SLC12A7: variants seen among roughly 807,000 people sequenced by gnomAD.
SLC12A7 encodes solute carrier family 12 member 7.
In SLC12A7, 100 loss-of-function variants were observed where a neutral mutation model predicts 120.6. The ratio of observed to expected loss-of-function variants is 0.83; its 90% CI spans 0.71 to 0.98. The LOEUF (loss-of-function observed/expected upper bound fraction) is 0.98. SLC12A7 is among the 50% of genes least tolerant of loss of function. The probability of loss-of-function intolerance (pLI) is 0.00; values close to 1 mark genes in which losing one functional copy is unlikely to be tolerated. For synonymous variants in SLC12A7, 760 were observed against 678.0 expected, an observed-to-expected ratio of 1.12 and a Z score of -1.88; for missense variants, 1,373 against 1,548.1, an observed-to-expected ratio of 0.89 and a Z score of 1.90.
intron 22 of SLC12A7, 97 bp downstream of exon 22, chr5:1,057,374 C>G (rs1490672456): frequency 7.5e-7 from 1 of 1,326,518 alleles, no homozygotes; most frequent in South Asian, 1.4e-5. Context: ...AGGGTTGCCC[C>G]GAAGCTCTTC....
intron 17 of SLC12A7, among the ~76,000 whole-genome samples, chr5:1,066,074 T>C (rs1737019302): frequency 6.6e-6 from 1 of 152,156 alleles, no homozygotes. Flanking sequence ...GCCGAGGACC[T>C]GCCACGCACT....
intron 14 of SLC12A7, 93 bp downstream of exon 14, chr5:1,076,045 T>G: frequency 9.5e-7 from 1 of 1,057,710 alleles, no homozygotes. Context: ...CCTGTGGGGC[T>G]CCTGACGCCT....
intron 1 of SLC12A7, among the ~76,000 whole-genome samples, chr5:1,096,769 G>A (rs1741233534): frequency 8.8e-5 from 1 of 11,424 alleles, no homozygotes; most frequent in Admixed American, 9.1e-4. Context: ...GGAAGGAAAG[G>A]AGGGAGGGGG....
chr5:1,154,188 C>G, the SLC12A7 span, among the ~76,000 whole-genome samples: 1 of 151,930 alleles, frequency 6.6e-6, no homozygotes, highest in African/African-American at 2.4e-5. Flanking sequence ...CTAACCCTAA[C>G]CCTAACCCCT....
At chr5:1,079,804 C>T (rs1738803194) in intron 9 of SLC12A7, among the ~76,000 whole-genome samples, 1 of 152,028 alleles carries the variant, frequency 6.6e-6, no homozygotes, top group South Asian at 2.1e-4. Flanking sequence ...ATCCCATGGC[C>T]AAGGGTCAGC....
chr5:1,091,871 G>A (rs779702813), intron 3 of SLC12A7, among the ~76,000 whole-genome samples: 1 of 152,234 alleles, frequency 6.6e-6, no homozygotes, highest in African/African-American at 2.4e-5. Flanking sequence ...ATTCCGCAGC[G>A]TCCACGTGCA....
chr5:1,128,311 G>A, the SLC12A7 span, among the ~76,000 whole-genome samples: 17 of 152,328 alleles, frequency 1.1e-4, no homozygotes, highest in East Asian at 2.5e-3. Flanking sequence ...ATCCCAGGAC[G>A]AGCTCTCACG....
At chr5:1,155,320 A>C in the SLC12A7 span, among the ~76,000 whole-genome samples, 7 of 152,048 alleles carry the variant, frequency 4.6e-5, no homozygotes, top group Non-Finnish European at 1.0e-4. Flanking sequence ...GGACGAGAAC[A>C]GGGCCCCTTT....
intron 21 of SLC12A7, among the ~76,000 whole-genome samples, chr5:1,059,258 T>A (rs564863438): frequency 2.0e-5 from 3 of 151,896 alleles, no homozygotes; most frequent in African/African-American, 7.3e-5. Context: ...GGTCTGGGAG[T>A]GGACAGGACC....
At chr5:1,104,743 C>G (rs1016422893) in intron 1 of SLC12A7, among the ~76,000 whole-genome samples, 4 of 152,218 alleles carry the variant, frequency 2.6e-5, no homozygotes, top group Admixed American at 1.3e-4. Context: ...AACAAACCAC[C>G]CCAGGTCCAC....
chr5:1,127,345 C>T, the SLC12A7 span, among the ~76,000 whole-genome samples: 2 of 152,102 alleles, frequency 1.3e-5, no homozygotes, highest in African/African-American at 2.4e-5. Context: ...GCTTTGAGGC[C>T]ACAGAGGAGA....
intron 1 of SLC12A7, among the ~76,000 whole-genome samples, chr5:1,101,324 C>A (rs1741989880): frequency 6.6e-6 from 1 of 152,210 alleles, no homozygotes; most frequent in Non-Finnish European, 1.5e-5. Context: ...ATGCACCAGG[C>A]TGACCTATCC....
intron 7 of SLC12A7, 107 bp from the exon 8 acceptor site, chr5:1,084,063 C>T: frequency 3.4e-6 from 3 of 885,436 alleles, no homozygotes; most frequent in Non-Finnish European, 5.3e-6. Context: ...CGAGTGGCTC[C>T]TGGCACCCTG....
At chr5:1,095,942 A>T (rs994276914) in intron 1 of SLC12A7, among the ~76,000 whole-genome samples, 1 of 152,226 alleles carries the variant, frequency 6.6e-6, no homozygotes, top group Non-Finnish European at 1.5e-5. Context: ...CACCACAGAG[A>T]GGCCAGTGCC....
chr5:1,076,869 G>C, intron 12 of SLC12A7, 57 bp from the exon 13 acceptor site: 1 of 1,224,838 alleles, frequency 8.2e-7, no homozygotes, highest in Non-Finnish European at 1.2e-6. Context: ...TAGGAGAGAA[G>C]CTGCAGGCTG....
intron 3 of SLC12A7, among the ~76,000 whole-genome samples, chr5:1,089,843 G>A (rs977519636): frequency 2.0e-5 from 3 of 152,182 alleles, no homozygotes; most frequent in African/African-American, 7.2e-5. Context: ...CAGCTCCCCA[G>A]CTCCACTCGG....
intron 9 of SLC12A7, among the ~76,000 whole-genome samples, chr5:1,081,059 CAGAG>C (rs200842557): frequency 2.3e-5 from 1 of 44,412 alleles, no homozygotes; most frequent in African/African-American, 3.4e-5. Flanking sequence ...AAGAGGGAGA[CAGAG>C]AGAGAGAGAG....
chr5:1,062,696 A>G (rs62331170), intron 20 of SLC12A7, among the ~76,000 whole-genome samples: 9 of 10,292 alleles, frequency 8.7e-4, no homozygotes, highest in Non-Finnish European at 1.6e-3. Flanking sequence ...GGGCTGGGGG[A>G]CTGAGGGACT....
chr5:1,132,494 C>T, the SLC12A7 span, among the ~76,000 whole-genome samples: 3 of 152,198 alleles, frequency 2.0e-5, no homozygotes, highest in Admixed American at 6.5e-5. Flanking sequence ...AGAACCTTCT[C>T]TTGGGGGTCG....
Sources: allele counts gnomAD v4.1 joint callset (sites outside exome capture counted in the v4.1 genomes callset), GRCh38; gene constraint gnomAD v4.1.1; transcripts MANE v1.5; gene names NCBI Gene and HGNC (gene_info 2026-07-23, HGNC 2026-07-21).